FRAS1: variants seen among roughly 807,000 people sequenced by gnomAD.
FRAS1 encodes extracellular matrix organizing protein FRAS1.
Under a neutral mutation model 435.2 loss-of-function variants are expected in FRAS1, and 290 were observed. The observed-to-expected ratio is 0.67, with a 90% confidence interval of 0.61 to 0.73. FRAS1 has a LOEUF of 0.73. Ranked by LOEUF, FRAS1 falls within the 30% of genes least tolerant of loss-of-function variation. The probability of loss-of-function intolerance (pLI) is 0.00; values close to 1 mark genes in which losing one functional copy is unlikely to be tolerated. For synonymous variants in FRAS1, 1,800 were observed against 1,851.0 expected (o/e 0.97, Z 0.71); for missense variants, 4,860 against 5,001.5 (o/e 0.97, Z 0.85).
chr4:78,308,223 T>A lies in FRAS1; in HGVS notation c.1678+14T>A, dbSNP rs551800470. ...GCACCTGTAGCGGTGAGTGCTGGGT[T>A]GCGATGCTGACGTGTCCTTTCCTTT... On this transcript the variant is annotated intron_variant, in intron 15 of 73. Coordinates refer to ENST00000512123, the MANE Select transcript of FRAS1 (RefSeq NM_025074.7). The A allele has an allele frequency of 3.2e-5, 52 of 1,610,988 alleles. No homozygotes were observed. The East Asian group carries it at 1.1e-3, about 35-fold the overall frequency.
intron 27 of FRAS1, among the ~76,000 whole-genome samples, chr4:78,383,654 G>C (rs1039083899): frequency 6.6e-6 from 1 of 152,176 alleles, no homozygotes; most frequent in African/African-American, 2.4e-5. Flanking sequence ...GTTAGGAAGA[G>C]CATTTGTTGG....
intron 9 of FRAS1, among the ~76,000 whole-genome samples, chr4:78,271,112 A>G (rs1726653532): frequency 6.6e-6 from 1 of 152,254 alleles, no homozygotes; most frequent in African/African-American, 2.4e-5. Context: ...CAATGCTTCC[A>G]TAATATTTGT....
chr4:78,148,287 TA>T (rs1720501560), intron 2 of FRAS1, among the ~76,000 whole-genome samples: 1 of 152,158 alleles, frequency 6.6e-6, no homozygotes, highest in Admixed American at 6.5e-5. Context: ...ATGAAGAAAT[TA>T]AGCTCAAGAA....
intron 2 of FRAS1, chr4:78,181,523 C>CG: frequency 6.2e-7 from 1 of 1,611,592 alleles, no homozygotes; most frequent in Non-Finnish European, 8.5e-7. Context: ...TCCACGTCCA[C>CG]GGCCCCCTCG....
At chr4:78,490,728 A>G (rs1720323444) in intron 59 of FRAS1, among the ~76,000 whole-genome samples, 2 of 152,194 alleles carry the variant, frequency 1.3e-5, no homozygotes, top group Admixed American at 1.3e-4. Context: ...ACACCATAAC[A>G]TCACAATTAA....
At chr4:78,317,576 T>A in intron 17 of FRAS1, 68 bp downstream of exon 17, 1 of 1,414,510 alleles carries the variant, frequency 7.1e-7, no homozygotes, top group East Asian at 2.4e-5. Flanking sequence ...TTTTTTCCAA[T>A]AATATAACTT....
At chr4:78,461,639 A>C (rs1023499571) in intron 47 of FRAS1, among the ~76,000 whole-genome samples, 1 of 152,240 alleles carries the variant, frequency 6.6e-6, no homozygotes, top group Non-Finnish European at 1.5e-5. Flanking sequence ...TCTCTCGTGC[A>C]ATATAGTGAG....
chr4:78,541,121 T>C lies in FRAS1; in HGVS notation c.12036T>C (p.Val4012=). ...VHNNLQDGTE[V] is the part of the protein sequence containing the mutation. ...ACAATTTACAAGATGGAACAGAAGT[T>C]TAATGGAGGAGACCTATGTGTATTT... Residue 4012 remains valine, a synonymous_variant, in exon 74 of 74, where the codon GTT becomes GTC. Transcript: ENST00000512123. The C allele has an allele frequency of 7.3e-7, 1 of 1,371,300 alleles. No homozygotes were observed. The highest frequency in any genetic ancestry group is 9.5e-7 in the Non-Finnish European group (1 of 1,051,458). 84.9% of individuals were successfully genotyped at this position (1,371,300 alleles called of 1,614,324 possible). A position where few individuals can be genotyped will look rare whatever the true frequency, so the allele number is the denominator to read the frequency against.
chr4:78,160,370 G>A (rs1721086701), intron 2 of FRAS1, among the ~76,000 whole-genome samples: 1 of 152,162 alleles, frequency 6.6e-6, no homozygotes, highest in South Asian at 2.1e-4. Context: ...TGAATCTATT[G>A]CCAACATATC....
At chr4:78,194,977 T>C (rs1293023920) in intron 2 of FRAS1, among the ~76,000 whole-genome samples, 1 of 152,204 alleles carries the variant, frequency 6.6e-6, no homozygotes, top group African/African-American at 2.4e-5. Flanking sequence ...TGTTGGTTAG[T>C]TTTCCTTCTA....
At chr4:78,162,453 A>C (rs1294885050) in intron 2 of FRAS1, among the ~76,000 whole-genome samples, 1 of 152,206 alleles carries the variant, frequency 6.6e-6, no homozygotes, top group Non-Finnish European at 1.5e-5. Flanking sequence ...CAGGACTCCC[A>C]CATTGCTGAG....
chr4:78,410,988 A>C (rs1469282796), intron 31 of FRAS1, among the ~76,000 whole-genome samples: 1 of 152,208 alleles, frequency 6.6e-6, no homozygotes, highest in Non-Finnish European at 1.5e-5. Context: ...AAATTTTCCC[A>C]TTCATCATTT....
intron 32 of FRAS1, among the ~76,000 whole-genome samples, chr4:78,416,864 G>A (rs1276930508): frequency 6.6e-6 from 1 of 152,116 alleles, no homozygotes; most frequent in Non-Finnish European, 1.5e-5. Flanking sequence ...GTTAATCCTG[G>A]GGAGAGACTG....
rs989035054 is a variant in FRAS1 at position 78,543,700 on chromosome 4, T to C, written c.*2576T>C. On this transcript the variant is annotated 3_prime_UTR_variant, in exon 74 of 74. Transcript: ENST00000512123. Reference sequence around the variant, plus strand: ...GGAGATGAGATATACCCCTTTGATGTAGAATTATTCATTTGGTTTGTTTCA... The same window carrying C: ...GGAGATGAGATATACCCCTTTGATGCAGAATTATTCATTTGGTTTGTTTCA... The C allele has an allele frequency of 6.6e-6, 1 of 152,254 alleles. No homozygotes were observed. The highest frequency in any genetic ancestry group is 1.5e-5 in the Non-Finnish European group (1 of 68,032). The allele number at this position is 152,254 out of a possible 1,614,324, so 9.4% of individuals were successfully genotyped here.
intron 20 of FRAS1, among the ~76,000 whole-genome samples, chr4:78,344,939 G>C (rs541624377): frequency 1.3e-5 from 2 of 152,080 alleles, no homozygotes; most frequent in East Asian, 3.8e-4. Context: ...TCTTTGTTCT[G>C]TTCTCTAAAA....
intron 2 of FRAS1, among the ~76,000 whole-genome samples, chr4:78,156,373 G>A (rs548962967): frequency 7.3e-5 from 11 of 151,188 alleles, no homozygotes; most frequent in African/African-American, 2.7e-4. Context: ...ATCTATAGTG[G>A]TGGCTTAAAA....
intron 47 of FRAS1, among the ~76,000 whole-genome samples, chr4:78,462,212 T>C (rs1719390044): frequency 1.3e-5 from 2 of 152,080 alleles, no homozygotes; most frequent in Non-Finnish European, 2.9e-5. Context: ...CAGTCTCTAC[T>C]AAAAATACAA....
rs1032430951 is a variant in FRAS1 at position 78,307,697 on chromosome 4, C to T, written c.1535-369C>T. 3.3e-5 allele frequency among the ~76,000 whole-genome samples: 5 copies of T among 152,370 alleles called. No homozygotes were observed. The South Asian group carries it at 1.0e-3, about 32-fold the overall frequency. On this transcript the variant is annotated intron_variant, in intron 14 of 73. Transcript: ENST00000512123. ...CTTGCGCTTCCCAGGTGAGGCAATG[C>T]CTCGCCCTGCTTCGGCTGGCGCATG... is the stretch of plus-strand genomic sequence containing the variant.
chr4:78,407,771 ACATCAATGAAGG>A lies in FRAS1; in HGVS notation c.4243_4254del (p.Asn1415_Ile1418del). 6.2e-7 allele frequency: 1 copy of A among 1,613,930 alleles called. No homozygotes were observed. The highest frequency in any genetic ancestry group is 8.5e-7 in the Non-Finnish European group (1 of 1,179,850). ...CCCACCAGCACCTTCACCCAGCAGG[ACATCAATGAAGG>A]CATCGTATGGTACAGGCACTCAGGA... On this transcript the variant is annotated inframe_deletion, in exon 31 of 74. Coordinates refer to ENST00000512123, the MANE Select transcript of FRAS1 (RefSeq NM_025074.7).
Sources: gnomAD v4.1 joint callset for allele counts (sites outside exome capture counted in the v4.1 genomes callset) on GRCh38, gnomAD v4.1.1 for gene constraint, MANE v1.5 for transcripts, NCBI Gene and HGNC (gene_info 2026-07-23, HGNC 2026-07-21) for gene names.